Variants in TAFA1 observed in about 807,000 individuals in gnomAD.
The protein encoded by TAFA1 is chemokine-like protein TAFA-1.
In TAFA1, 4 loss-of-function variants were observed where a neutral mutation model predicts 18.5. That is an observed-to-expected ratio of 0.22 (90% CI 0.11 to 0.49). TAFA1 has a LOEUF of 0.49. TAFA1 is among the 20% of genes least tolerant of loss of function. TAFA1 has a pLI of 0.98. For missense variants in TAFA1, 147 were observed against 169.0 expected (o/e 0.87, Z 0.72); for synonymous variants, 56 against 55.2 (o/e 1.01, Z -0.06).
intron 2 of TAFA1, among the ~76,000 whole-genome samples, chr3:68,089,090 G>A (rs371718909): frequency 2.1e-3 from 327 of 152,222 alleles, no homozygotes; most frequent in African/African-American, 7.6e-3. Context: ...GGTTTTGCAC[G>A]TGCTATGCTT....
chr3:68,202,068 C>A (rs578161379), intron 2 of TAFA1, among the ~76,000 whole-genome samples: 1 of 151,808 alleles, frequency 6.6e-6, no homozygotes, highest in South Asian at 2.1e-4. Flanking sequence ...CCTCATGACC[C>A]AAACACTTCC....
chr3:68,356,362 G>C (rs757005089), intron 2 of TAFA1, among the ~76,000 whole-genome samples: 13 of 151,802 alleles, frequency 8.6e-5, no homozygotes, highest in African/African-American at 3.1e-4. Flanking sequence ...AAGGGATAAA[G>C]CTCAAGCTCA....
intron 2 of TAFA1, chr3:68,247,320 A>G (rs1024580695): frequency 6.6e-6 from 1 of 152,208 alleles, no homozygotes; most frequent in Admixed American, 6.5e-5. Flanking sequence ...TAGGAAAGAA[A>G]AAAAAAGCAT....
chr3:68,374,324 G>A (rs1291712955), intron 2 of TAFA1, among the ~76,000 whole-genome samples: 1 of 152,114 alleles, frequency 6.6e-6, no homozygotes, highest in Non-Finnish European at 1.5e-5. Context: ...TATACACGGT[G>A]ACCATATGGA....
intron 2 of TAFA1, among the ~76,000 whole-genome samples, chr3:68,326,153 C>T (rs754876922): frequency 3.9e-5 from 6 of 152,252 alleles, no homozygotes; most frequent in East Asian, 1.9e-4. Context: ...CCTAAAGCTA[C>T]GTATTTTCTT....
At chr3:68,159,233 C>T (rs960504339) in intron 2 of TAFA1, among the ~76,000 whole-genome samples, 6 of 152,176 alleles carry the variant, frequency 3.9e-5, no homozygotes, top group African/African-American at 1.4e-4. Context: ...ATCAGGAGAG[C>T]TGATTCAAAT....
At chr3:68,343,149 C>G (rs1479920735) in intron 2 of TAFA1, among the ~76,000 whole-genome samples, 1 of 152,122 alleles carries the variant, frequency 6.6e-6, no homozygotes, top group Non-Finnish European at 1.5e-5. Context: ...AAGCAAATGT[C>G]CTAGGTTAAT....
At chr3:68,494,734 G>A (rs973269910) in intron 3 of TAFA1, among the ~76,000 whole-genome samples, 4 of 152,066 alleles carry the variant, frequency 2.6e-5, no homozygotes, top group African/African-American at 9.7e-5. Flanking sequence ...CTATTTTTAA[G>A]CCTCTGTTAT....
intron 2 of TAFA1, among the ~76,000 whole-genome samples, chr3:68,346,326 T>C (rs2069163279): frequency 6.6e-6 from 1 of 152,048 alleles, no homozygotes; most frequent in Admixed American, 6.6e-5. Flanking sequence ...ACCCAGCTAA[T>C]TTTTGTATTT....
At chr3:68,193,858 T>TA (rs2066378386) in intron 2 of TAFA1, among the ~76,000 whole-genome samples, 1 of 151,738 alleles carries the variant, frequency 6.6e-6, no homozygotes, top group African/African-American at 2.4e-5. Flanking sequence ...CCCAGTTTCT[T>TA]ACAACTGCAA....
At chr3:68,143,985 C>CTT (rs765248842) in intron 2 of TAFA1, among the ~76,000 whole-genome samples, 4 of 141,776 alleles carry the variant, frequency 2.8e-5, no homozygotes, top group Non-Finnish European at 4.6e-5. Context: ...CTGGAGGAGT[C>CTT]TTTTTTTTTT....
chr3:68,186,536 G>A (rs1210281798), intron 2 of TAFA1, among the ~76,000 whole-genome samples: 1 of 151,882 alleles, frequency 6.6e-6, no homozygotes, highest in Non-Finnish European at 1.5e-5. Flanking sequence ...TTTCACCATT[G>A]TATGCCTCAT....
chr3:68,309,318 A>G (rs530502735), intron 2 of TAFA1, among the ~76,000 whole-genome samples: 1 of 152,228 alleles, frequency 6.6e-6, no homozygotes, highest in African/African-American at 2.4e-5. Flanking sequence ...ATGCCCAAAG[A>G]TATCTAGTAC....
intron 2 of TAFA1, among the ~76,000 whole-genome samples, chr3:68,148,156 A>AT (rs1355840041): frequency 6.6e-6 from 1 of 152,056 alleles, no homozygotes; most frequent in Admixed American, 6.6e-5. Flanking sequence ...TTTGCTTGTC[A>AT]TTTTTTCTCT....
chr3:68,270,366 T>G (rs922570935), intron 2 of TAFA1, among the ~76,000 whole-genome samples: 2 of 152,170 alleles, frequency 1.3e-5, no homozygotes, highest in Non-Finnish European at 2.9e-5. Context: ...GCATTTGGTG[T>G]GTTTGTGTCC....
intron 2 of TAFA1, among the ~76,000 whole-genome samples, chr3:68,138,170 C>T (rs543733617): frequency 3.3e-5 from 5 of 152,242 alleles, no homozygotes; most frequent in Admixed American, 2.6e-4. Context: ...AGTGAATATC[C>T]ATGTTTTCCC....
intron 2 of TAFA1, among the ~76,000 whole-genome samples, chr3:68,343,360 A>G (rs1286792064): frequency 6.6e-6 from 1 of 152,194 alleles, no homozygotes; most frequent in Non-Finnish European, 1.5e-5. Flanking sequence ...CATTTTTAAA[A>G]AGAGAATAAT....
At chr3:68,267,786 TC>T (rs2067577554) in intron 2 of TAFA1, among the ~76,000 whole-genome samples, 2 of 152,156 alleles carry the variant, frequency 1.3e-5, no homozygotes, top group African/African-American at 4.8e-5. Context: ...ACTTTTCAGT[TC>T]TTCTTTTTCT....
intron 1 of TAFA1, among the ~76,000 whole-genome samples, chr3:68,005,968 GA>G (rs947249571): frequency 6.6e-5 from 10 of 152,220 alleles, no homozygotes; most frequent in African/African-American, 2.4e-4. Context: ...AGCTACAATG[GA>G]ATCTTAGGAG....
Sources: allele counts gnomAD v4.1 joint callset (sites outside exome capture counted in the v4.1 genomes callset), GRCh38; gene constraint gnomAD v4.1.1; transcripts MANE v1.5; gene names NCBI Gene and HGNC (gene_info 2026-07-23, HGNC 2026-07-21).